STK10: variants seen among roughly 807,000 people sequenced by gnomAD.
STK10 encodes serine/threonine kinase 10.
A neutral mutation model predicts 113.8 loss-of-function variants in STK10; 78 were observed. The observed-to-expected ratio is 0.69, with a 90% CI of 0.57 to 0.83. The LOEUF is 0.83. Ranked by LOEUF, STK10 falls within the 40% of genes least tolerant of loss-of-function variation. STK10 has a pLI of 0.00. For missense variants in STK10, 1,109 were observed against 1,280.1 expected (o/e 0.87, Z 2.04); for synonymous variants, 465 against 494.7 (o/e 0.94, Z 0.80).
intron 7 of STK10, among the ~76,000 whole-genome samples, chr5:172,098,659 G>C (rs1431151018): frequency 1.3e-5 from 2 of 152,152 alleles, no homozygotes; most frequent in Non-Finnish European, 1.5e-5. Flanking sequence ...GGCGTTAAGG[G>C]TTTACTAATC....
At chr5:172,132,972 A>G (rs1001899264) in intron 2 of STK10, among the ~76,000 whole-genome samples, 1 of 152,212 alleles carries the variant, frequency 6.6e-6, no homozygotes, top group Non-Finnish European at 1.5e-5. Context: ...GAGGAAGCAG[A>G]TATCCAGGCT....
chr5:172,127,233 A>G, intron 3 of STK10, 140 bp downstream of exon 3: 1 of 781,364 alleles, frequency 1.3e-6, no homozygotes, highest in Admixed American at 2.7e-5. Context: ...CATAGTAGAG[A>G]GGTGCTCAAA....
intron 6 of STK10, among the ~76,000 whole-genome samples, chr5:172,106,385 G>C (rs1769106223): frequency 3.0e-5 from 1 of 33,344 alleles, no homozygotes; most frequent in Admixed American, 4.1e-4. Context: ...CTGGGCAAAA[G>C]AGTGAGACCC....
intron 17 of STK10, among the ~76,000 whole-genome samples, chr5:172,054,176 G>A (rs1767694388): frequency 6.6e-6 from 1 of 152,170 alleles, no homozygotes; most frequent in South Asian, 2.1e-4. Context: ...AGCTTGAAGA[G>A]GTCAGGAATT....
At chr5:172,144,050 C>T (rs920967137) in intron 2 of STK10, among the ~76,000 whole-genome samples, 10 of 152,246 alleles carry the variant, frequency 6.6e-5, no homozygotes, top group South Asian at 2.1e-4. Context: ...CTAGTGCATA[C>T]GTGGCATGGC....
chr5:172,086,335 G>A (rs1256330190), intron 10 of STK10, among the ~76,000 whole-genome samples: 1 of 152,146 alleles, frequency 6.6e-6, no homozygotes, highest in Non-Finnish European at 1.5e-5. Context: ...TGGGAAGAGA[G>A]GAGGCAGGTT....
chr5:172,156,788 C>A lies in STK10; in HGVS notation c.157G>T (p.Ala53Ser). Residue 53 changes from alanine to serine, a missense_variant and splice_region_variant, in exon 2 of 19, where the codon GCC becomes TCC. By Grantham distance (99) the Ala-to-Ser change is moderately conservative (BLOSUM62 1). Coordinates refer to ENST00000176763, the MANE Select transcript of STK10 (RefSeq NM_005990.4). Reference protein sequence around the residue: ...GDGAFGKVYKAKNKETGALAA... With the variant: ...GDGAFGKVYKSKNKETGALAA... ...AAAGCACCCGTCTCCTTATTCTTGG[C>A]CTGCAAAGAGGAGATACAGGAGGTC... 2 of 1,612,800 alleles carry A rather than the reference C, an allele frequency of 1.2e-6. No individual in the cohort carries two copies. The highest frequency in any genetic ancestry group is 8.5e-7 in the Non-Finnish European group (1 of 1,179,086).
intron 13 of STK10, chr5:172,064,312 C>T (rs142762290): frequency 7.2e-4 from 127 of 176,290 alleles, no homozygotes; most frequent in African/African-American, 2.9e-3. Context: ...AAAATGGCAC[C>T]CCCTCAGAGC....
Position 172,075,890 on chromosome 5 carries a change from T to C in STK10, c.1989+6436A>G, listed in dbSNP as rs538661825. Among the ~76,000 whole-genome samples, 5 of 152,312 alleles carry C rather than the reference T, an allele frequency of 3.3e-5. No individual in the cohort carries two copies. In the East Asian group the frequency reaches 7.7e-4, roughly 24 times the overall value. On this transcript the variant is annotated intron_variant, in intron 12 of 18. Coordinates refer to ENST00000176763, the MANE Select transcript of STK10 (RefSeq NM_005990.4). ...CTGGAACTCTTGTACCTCGTTGTGATGTAAAATGATCCAGCTCTTTTTGGA... is the reference window on the plus strand; with the variant it reads ...CTGGAACTCTTGTACCTCGTTGTGACGTAAAATGATCCAGCTCTTTTTGGA...
chr5:172,093,953 T>C lies in STK10; in HGVS notation c.1013A>G (p.Glu338Gly). The change falls in exon 9 of 19, where the codon GAG becomes GGG. Residue 338 changes from glutamate to glycine, a missense_variant. This residue lies in a region of STK10 where 885 missense variants were observed against 991.1 expected (regional missense o/e 0.89). Coordinates refer to ENST00000176763, the MANE Select transcript of STK10 (RefSeq NM_005990.4). This position sits in a 1 kb window ranked among gnomAD's most constrained non-coding sequence, Gnocchi z 4.1. Reference sequence around the variant, plus strand: ...CTCAGAGGAGTTCTGAGTATGGTTCTCCAGGGTCTAGAAAAATATATATAT... The same window carrying C: ...CTCAGAGGAGTTCTGAGTATGGTTCCCCAGGGTCTAGAAAAATATATATAT... The part of the protein sequence containing the change: ...EDAVDAASTL[E>G]NHTQNSSEVS... 1.3e-6 allele frequency: 2 copies of C among 1,485,344 alleles called. No individual in the cohort carries two copies. Among genetic ancestry groups the C allele is most frequent in the Non-Finnish European group, 1.8e-6 (2 of 1,116,042 alleles). The allele number at this position is 1,485,344 out of a possible 1,614,324, so 92.0% of individuals were successfully genotyped here. A position where few individuals can be genotyped will look rare whatever the true frequency, so the allele number is the denominator to read the frequency against.
intron 12 of STK10, among the ~76,000 whole-genome samples, chr5:172,071,485 T>C (rs529059611): frequency 6.6e-6 from 1 of 152,076 alleles, no homozygotes; most frequent in East Asian, 1.9e-4. Flanking sequence ...ATTTTCCCTG[T>C]AGGGAGCAAG....
At position 172,044,877 on chromosome 5, in the gene STK10, G is replaced by A. The variant is rs373002207; in HGVS notation, c.*5C>T. 2.7e-5 allele frequency: 43 copies of A among 1,614,074 alleles called. No individual in the cohort carries two copies. Among genetic ancestry groups the A allele is most frequent in the Admixed American group, 1.2e-4 (7 of 60,008 alleles). ...CAAGCTGCCAGCCACAGCCCCGGGCGGTTGTTAAGAAGCATCCGCAGAACT... is the reference window on the plus strand; with the variant it reads ...CAAGCTGCCAGCCACAGCCCCGGGCAGTTGTTAAGAAGCATCCGCAGAACT... On this transcript the variant is annotated 3_prime_UTR_variant, in exon 19 of 19. Transcript: ENST00000176763. The surrounding 1 kb of genome is among the most constrained non-coding windows in gnomAD (Gnocchi z 4.5).
intron 12 of STK10, among the ~76,000 whole-genome samples, chr5:172,065,790 G>A (rs779496793): frequency 2.0e-5 from 3 of 152,072 alleles, no homozygotes; most frequent in African/African-American, 4.8e-5. Context: ...AGGCCAAGGT[G>A]AGTCACCTTG....
At chr5:172,152,564 C>A (rs1417915419) in intron 2 of STK10, among the ~76,000 whole-genome samples, 1 of 152,202 alleles carries the variant, frequency 6.6e-6, no homozygotes, top group Non-Finnish European at 1.5e-5. Context: ...GAGACACTAA[C>A]ACATGTGCTA....
intron 12 of STK10, among the ~76,000 whole-genome samples, chr5:172,076,562 A>G (rs1768312799): frequency 6.6e-6 from 1 of 152,146 alleles, no homozygotes; most frequent in Admixed American, 6.6e-5. Flanking sequence ...TACCTGCTCA[A>G]TGCCAGTAGC....
chr5:172,138,739 G>A (rs113008620), intron 2 of STK10, among the ~76,000 whole-genome samples: 1,973 of 152,178 alleles, frequency 0.013, 41 homozygotes, highest in African/African-American at 0.045. Context: ...TTGGCCAGGC[G>A]CGGTGGCTCA....
Position 172,096,456 on chromosome 5 carries a change from C to A in STK10, c.975G>T (p.Gly325=). 6.2e-7 allele frequency: 1 copy of A among 1,613,382 alleles called. No homozygotes were observed. Among genetic ancestry groups the A allele is most frequent in the South Asian group, 1.1e-5 (1 of 91,088 alleles). ...MEEIEDGRDE[G]EEEDAVDAAS... is the part of the protein sequence containing the mutation. ...CGGCATCCACGGCGTCCTCCTCTTC[C>A]CCCTCATCCCGGCCGTCTTCGATCT... Residue 325 remains glycine, a synonymous_variant, in exon 8 of 19, where the codon GGG becomes GGT. Coordinates refer to ENST00000176763, the MANE Select transcript of STK10 (RefSeq NM_005990.4).
intron 2 of STK10, among the ~76,000 whole-genome samples, chr5:172,130,637 T>C (rs1361876752): frequency 6.6e-6 from 1 of 152,156 alleles, no homozygotes; most frequent in East Asian, 1.9e-4. Context: ...AGGAAAAGAT[T>C]GTAAACCTGG....
chr5:172,173,333 C>G (rs1024107450), intron 1 of STK10, among the ~76,000 whole-genome samples: 6 of 152,212 alleles, frequency 3.9e-5, no homozygotes, highest in Non-Finnish European at 8.8e-5. Context: ...TTCGCCAGCT[C>G]TGACAAGGGT....
Sources: allele counts gnomAD v4.1 joint callset (sites outside exome capture counted in the v4.1 genomes callset), GRCh38; gene constraint gnomAD v4.1.1; regional missense constraint gnomAD v4.1.1; non-coding constraint Gnocchi (gnomAD v3.1); transcripts MANE v1.5; gene names NCBI Gene and HGNC (gene_info 2026-07-23, HGNC 2026-07-21).